The following NLRC5 variants were observed in gnomAD, a reference collection of about 807,000 sequenced individuals.
NLRC5 encodes the protein NLR family CARD domain containing 5.
NLRC5 carries 114 observed loss-of-function variants against 206.9 expected under a neutral mutation model. That is an observed-to-expected ratio of 0.55 (90% CI 0.47 to 0.64). NLRC5 has a LOEUF of 0.64. NLRC5 is among the 30% of genes least tolerant of loss of function. NLRC5 has a pLI of 0.00. For missense variants in NLRC5, 2,008 were observed against 2,305.5 expected, an observed-to-expected ratio of 0.87 and a Z score of 2.64; for synonymous variants, 952 against 962.8, an observed-to-expected ratio of 0.99 and a Z score of 0.21.
intron 29 of NLRC5, 165 bp downstream of exon 29, chr16:57,059,226 A>C: frequency 6.7e-7 from 1 of 1,497,122 alleles, no homozygotes; most frequent in Non-Finnish European, 8.9e-7. Context: ...GCATGGGATC[A>C]TAATTTCTAT....
At chr16:57,080,436 A>T (rs1172870195) in intron 46 of NLRC5, among the ~76,000 whole-genome samples, 2 of 151,900 alleles carry the variant, frequency 1.3e-5, no homozygotes, top group African/African-American at 4.8e-5. Context: ...GGAGTCTGTA[A>T]CACAAGTTTT....
At chr16:57,014,828 G>C (rs1387745141) in intron 1 of NLRC5, among the ~76,000 whole-genome samples, 3 of 152,170 alleles carry the variant, frequency 2.0e-5, no homozygotes, top group African/African-American at 7.2e-5. Flanking sequence ...GTCTGGAGAG[G>C]ATGCGCTTCC....
chr16:57,033,469 A>G, intron 11 of NLRC5, 135 bp from the exon 12 acceptor site: 1 of 753,334 alleles, frequency 1.3e-6, no homozygotes, highest in Non-Finnish European at 2.3e-6. Context: ...AGCATCTGCA[A>G]GCAGTCTCCT....
Position 57,041,498 on chromosome 16 carries a change from G to A in NLRC5, c.2953G>A (p.Gly985Ser). 1.2e-6 allele frequency: 2 copies of A among 1,613,974 alleles called. No individual in the cohort carries two copies. The highest frequency in any genetic ancestry group is 1.7e-6 in the Non-Finnish European group (2 of 1,179,962). Residue 985 changes from glycine to serine, a missense_variant, in exon 18 of 49, where the codon GGC becomes AGC. Physicochemically the swap from Gly to Ser is moderately conservative, Grantham distance 56. Transcript: ENST00000688547. ...GTCCCTGGGCAGGCTGACACATTGT[G>A]GCCTCCAAGAAAAGCACCTAGAGCA... ...SSRRMRLTHCGLQEKHLEQLC... is the reference protein window; with the variant it reads ...SSRRMRLTHCSLQEKHLEQLC...
At position 57,025,378 on chromosome 16, in the gene NLRC5, G is replaced by C. The variant is rs752310989; in HGVS notation, c.435G>C (p.Lys145Asn). The C allele has an allele frequency of 6.5e-7, 1 of 1,535,992 alleles. No homozygotes were observed. The highest frequency in any genetic ancestry group is 8.8e-7 in the Non-Finnish European group (1 of 1,142,576). The change falls in exon 6 of 49, where the codon AAG becomes AAC. Residue 145 changes from lysine to asparagine, a missense_variant. Lys to Asn is a moderately conservative substitution (Grantham distance 94). Transcript: ENST00000688547. ...CCCTGCCCCTTGCAGAGTTGGCCAAGAAGTACCTGCAGCTCCTGCGGACCT... is the reference window on the plus strand; with the variant it reads ...CCCTGCCCCTTGCAGAGTTGGCCAACAAGTACCTGCAGCTCCTGCGGACCT... ...QCKKQQLELA[K>N]KYLQLLRTSA... is the part of the protein sequence containing the mutation.
intron 22 of NLRC5, among the ~76,000 whole-genome samples, chr16:57,047,189 AG>A (rs2064100726): frequency 6.6e-6 from 1 of 152,134 alleles, no homozygotes; most frequent in African/African-American, 2.4e-5. Context: ...TTAAAATGTG[AG>A]ACACTTGTGG....
At chr16:57,049,453 G>A (rs1248631464) in intron 23 of NLRC5, among the ~76,000 whole-genome samples, 1 of 152,082 alleles carries the variant, frequency 6.6e-6, no homozygotes, top group African/African-American at 2.4e-5. Context: ...AAAGCCCACT[G>A]GCGGCCCGGC....
chr16:57,079,585 C>T lies in NLRC5; in HGVS notation c.5277C>T (p.Leu1759=). The T allele has an allele frequency of 1.2e-6, 2 of 1,614,122 alleles. No homozygotes were observed. Among genetic ancestry groups the T allele is most frequent in the Non-Finnish European group, 1.7e-6 (2 of 1,180,004 alleles). ...AGATTGACAACCAGACTGCCAAGCT[C>T]CTCACCTCCAGCTTCACGAGCTGCC... The part of the protein sequence containing the change: ...SCKIDNQTAK[L]LTSSFTSCPA... Residue 1759 remains leucine (L), a synonymous_variant, in exon 46 of 49, where the codon CTC becomes CTT. Coordinates refer to ENST00000688547, the MANE Select transcript of NLRC5 (RefSeq NM_001384950.1).
Position 57,038,108 on chromosome 16 carries a change from G to GA in NLRC5, c.2801+833dup, listed in dbSNP as rs1350351451. ...TTCACCTCAGTATTGGTTATAATAG[G>GA]AAAAAAAAAGAAAATAGCTGGAATG... On this transcript the variant is annotated intron_variant, in intron 15 of 48. Coordinates refer to ENST00000688547, the MANE Select transcript of NLRC5 (RefSeq NM_001384950.1). 9.7e-4 allele frequency among the ~76,000 whole-genome samples: 145 copies of GA among 149,986 alleles called. 2 individuals are homozygous for GA. Among genetic ancestry groups the GA allele is most frequent in the East Asian group, 5.8e-4 (3 of 5,156 alleles).
Position 57,081,089 on chromosome 16 carries a change from A to G in NLRC5, c.5322-9A>G, listed in dbSNP as rs1345636889. 3.9e-5 allele frequency: 61 copies of G among 1,547,580 alleles called. No homozygotes were observed. Among genetic ancestry groups the G allele is most frequent in the Non-Finnish European group, 5.2e-5 (60 of 1,147,354 alleles). On this transcript the variant is annotated splice_polypyrimidine_tract_variant and intron_variant, in intron 46 of 48. Coordinates refer to ENST00000688547, the MANE Select transcript of NLRC5 (RefSeq NM_001384950.1). ...TCCTGCCGCTGACTTTGGGACCCCT[A>G]CCCTGCAGGCTGTCCTGGAATCTCC...
At chr16:56,997,367 G>C (rs1457248159) in intron 1 of NLRC5, among the ~76,000 whole-genome samples, 1 of 152,100 alleles carries the variant, frequency 6.6e-6, no homozygotes, top group Non-Finnish European at 1.5e-5. Context: ...CTGCGGACTG[G>C]ACATGTCCCC....
chr16:57,052,141 A>G (rs1267361833), intron 24 of NLRC5, among the ~76,000 whole-genome samples: 1 of 152,186 alleles, frequency 6.6e-6, no homozygotes, highest in African/African-American at 2.4e-5. Flanking sequence ...AAAGTATTAA[A>G]ACTATTTTCT....
intron 18 of NLRC5, 80 bp from the exon 19 acceptor site, chr16:57,041,902 A>G: frequency 1.1e-6 from 1 of 933,242 alleles, no homozygotes; most frequent in Non-Finnish European, 1.6e-6. Flanking sequence ...GAAGTTGAGT[A>G]ACTGGAATGC....
At chr16:57,019,332 G>A (rs1208955690) in intron 2 of NLRC5, among the ~76,000 whole-genome samples, 1 of 152,170 alleles carries the variant, frequency 6.6e-6, no homozygotes, top group Non-Finnish European at 1.5e-5. Flanking sequence ...GGGAGGCGGA[G>A]GCTGCAGTGA....
intron 10 of NLRC5, among the ~76,000 whole-genome samples, chr16:57,030,913 A>G (rs1290812106): frequency 1.3e-5 from 2 of 152,218 alleles, no homozygotes; most frequent in Admixed American, 1.3e-4. Flanking sequence ...GTTCGAGACC[A>G]ACCTGGGCAA....
chr16:57,008,649 C>CTT, intron 1 of NLRC5, among the ~76,000 whole-genome samples: 1 of 152,158 alleles, frequency 6.6e-6, no homozygotes, highest in Non-Finnish European at 1.5e-5. Context: ...TAAATTACTC[C>CTT]ATTCCAAATT....
At chr16:56,997,495 G>T (rs993906283) in intron 1 of NLRC5, among the ~76,000 whole-genome samples, 4 of 152,162 alleles carry the variant, frequency 2.6e-5, no homozygotes, top group Non-Finnish European at 4.4e-5. Flanking sequence ...ACTGTCCAAG[G>T]TTGCACAGCA....
chr16:57,035,635 C>T (rs1156905453), intron 13 of NLRC5, among the ~76,000 whole-genome samples: 1 of 152,238 alleles, frequency 6.6e-6, no homozygotes, highest in African/African-American at 2.4e-5. Flanking sequence ...CAGCAAGTAG[C>T]TTAAGCAACA....
intron 12 of NLRC5, 74 bp downstream of exon 12, chr16:57,033,743 G>C: frequency 7.1e-7 from 1 of 1,408,530 alleles, no homozygotes; most frequent in South Asian, 1.2e-5. Flanking sequence ...GGAGAGCAGG[G>C]GCAGGGAGGA....
Sources: allele counts gnomAD v4.1 joint callset (sites outside exome capture counted in the v4.1 genomes callset), GRCh38; gene constraint gnomAD v4.1.1; transcripts MANE v1.5; gene names NCBI Gene and HGNC (gene_info 2026-07-23, HGNC 2026-07-21).